RSPRY1: variants seen among roughly 807,000 people sequenced by gnomAD.
RSPRY1 encodes the protein ring finger and SPRY domain containing 1.
RSPRY1 carries 23 observed loss-of-function variants against 73.1 expected under a neutral mutation model. That is an observed-to-expected ratio of 0.31 (90% CI 0.23 to 0.45). The LOEUF (loss-of-function observed/expected upper bound fraction) is 0.45, where lower values mean the gene tolerates loss of function less well. Among genes scored for constraint, RSPRY1 ranks in the 20% least tolerant of loss-of-function variants. RSPRY1 has a pLI of 1.00. For missense variants in RSPRY1, 448 were observed against 698.7 expected, an observed-to-expected ratio of 0.64 and a Z score of 4.05; for synonymous variants, 226 against 251.4, an observed-to-expected ratio of 0.90 and a Z score of 0.95.
Position 57,216,164 on chromosome 16 carries a change from G to T in RSPRY1, c.760G>T (p.Ala254Ser). ...TGCACTTATCGCACTGGAAAAGTTT[G>T]CACAGACAAGTAGGTATAGTGACTT... ...LFALIALEKF[A>S]QTSENKLTIS... Residue 254 changes from alanine (A) to serine (S), a missense_variant, in exon 7 of 15, where the codon GCA becomes TCA. By Grantham distance (99) the Ala-to-Ser change is moderately conservative (BLOSUM62 1). Transcript: ENST00000394420. The T allele has an allele frequency of 6.2e-7, 1 of 1,608,864 alleles. No homozygotes were observed. The highest frequency in any genetic ancestry group is 8.5e-7 in the Non-Finnish European group (1 of 1,176,944).
intron 1 of RSPRY1, among the ~76,000 whole-genome samples, chr16:57,199,895 G>GTTTTTTTTTT (rs61132783): frequency 9.4e-6 from 1 of 106,252 alleles, no homozygotes; most frequent in Non-Finnish European, 1.9e-5. Context: ...TTTTTTGTTT[G>GTTTTTTTTTT]TTTTTTTTTT....
At chr16:57,238,821 G>A (rs1441569006) in intron 14 of RSPRY1, 58 bp from the exon 15 acceptor site, 5 of 920,238 alleles carry the variant, frequency 5.4e-6, no homozygotes, top group Non-Finnish European at 3.3e-6. Flanking sequence ...TTGGCAGGCA[G>A]TTGGAGTTTG....
chr16:57,204,632 G>T lies in RSPRY1; in HGVS notation c.-27G>T. ...TCCTCAACTCCAGGTTATGAAAACA[G>T]TACTTGGAAAACTGAAAACTACCTA... On this transcript the variant is annotated 5_prime_UTR_variant, in exon 2 of 15. Coordinates refer to ENST00000394420, the MANE Select transcript of RSPRY1 (RefSeq NM_133368.3). 1 of 1,601,652 alleles carries T rather than the reference G, an allele frequency of 6.2e-7. No individual in the cohort carries two copies.
chr16:57,204,630 CA>C lies in RSPRY1; in HGVS notation c.-28del. The C allele has an allele frequency of 6.3e-7, 1 of 1,596,272 alleles. No individual in the cohort carries two copies. The highest frequency in any genetic ancestry group is 8.6e-7 in the Non-Finnish European group (1 of 1,167,198). On this transcript the variant is annotated 5_prime_UTR_variant, in exon 2 of 15. It introduces an in-frame stop codon into an upstream open reading frame of the 5' UTR. Transcript: ENST00000394420. ...ATTCCTCAACTCCAGGTTATGAAAACAGTACTTGGAAAACTGAAAACTACCT... is the reference window on the plus strand; with the variant it reads ...ATTCCTCAACTCCAGGTTATGAAAACGTACTTGGAAAACTGAAAACTACCT...
intron 1 of RSPRY1, among the ~76,000 whole-genome samples, chr16:57,202,444 A>G (rs1567491483): frequency 6.6e-6 from 1 of 152,240 alleles, no homozygotes; most frequent in African/African-American, 2.4e-5. Context: ...TTAAAGAATT[A>G]TTCCTATTTC....
At chr16:57,216,825 C>T in intron 7 of RSPRY1, 79 bp from the exon 8 acceptor site, 2 of 1,370,348 alleles carry the variant, frequency 1.5e-6, no homozygotes, top group Non-Finnish European at 2.1e-6. Context: ...CCTCTTCCCC[C>T]TCCTTAGCAA....
chr16:57,228,515 G>A (rs1235058078), intron 11 of RSPRY1, among the ~76,000 whole-genome samples: 1 of 151,656 alleles, frequency 6.6e-6, no homozygotes, highest in Non-Finnish European at 1.5e-5. Context: ...GATTATTCGA[G>A]TAATATGTTT....
chr16:57,213,055 G>A lies in RSPRY1; in HGVS notation c.600G>A (p.Arg200=). 2 of 1,614,086 alleles carry A rather than the reference G, an allele frequency of 1.2e-6. No individual in the cohort carries two copies. The highest frequency in any genetic ancestry group is 1.7e-6 in the Non-Finnish European group (2 of 1,179,976). Residue 200 remains arginine, a synonymous_variant, in exon 5 of 15, where the codon AGG becomes AGA. Transcript: ENST00000394420. ...ACTCAAGCCATCCTGCCAAACACAG[G>A]AACACATCTGCAGTCCTAGGCTGCT... ...CQDSSHPAKH[R]NTSAVLGCLA...
At position 57,239,511 on chromosome 16, in the gene RSPRY1, C is replaced by CCTTT. The variant is rs1224011930; in HGVS notation, c.*536_*537insCTTT. On this transcript the variant is annotated 3_prime_UTR_variant, in exon 15 of 15. Coordinates refer to ENST00000394420, the MANE Select transcript of RSPRY1 (RefSeq NM_133368.3). ...CAGTACTACAAGCAAAACAGAGAAC[C>CCTTT]TGAAAGAAGGTGCACAGACTGTAAG... is the stretch of plus-strand genomic sequence containing the variant. 1 of 152,036 alleles carries CCTTT rather than the reference C, an allele frequency of 6.6e-6. No homozygotes were observed. The highest frequency in any genetic ancestry group is 1.5e-5 in the Non-Finnish European group (1 of 68,022). The allele number at this position is 152,036 out of a possible 1,614,324, so 9.4% of individuals were successfully genotyped here. A position where few individuals can be genotyped will look rare whatever the true frequency, so the allele number is the denominator to read the frequency against.
At chr16:57,200,197 T>TA (rs1352623912) in intron 1 of RSPRY1, among the ~76,000 whole-genome samples, 1 of 148,632 alleles carries the variant, frequency 6.7e-6, no homozygotes, top group Non-Finnish European at 1.5e-5. Context: ...ACACAGCACA[T>TA]GTTTCAGAGA....
In RSPRY1 at chr16:57,238,028, C is replaced by T. The variant is rs890672651; in HGVS notation, c.1635-851C>T. Among the ~76,000 whole-genome samples, 4 of 152,230 alleles carry T rather than the reference C, an allele frequency of 2.6e-5. No homozygotes were observed. In the East Asian group the frequency reaches 5.8e-4, roughly 22 times the overall value. ...ACAAAATACACAAAAATCAGTAGCT[C>T]TTCTAGCTATATGTATAATAGCAGC... On this transcript the variant is annotated intron_variant, in intron 14 of 14. Transcript: ENST00000394420.
Position 57,216,171 on chromosome 16 carries a change from CAAGT to C in RSPRY1, c.769_769+3del. ...ATCGCACTGGAAAAGTTTGCACAGA[CAAGT>C]AGGTATAGTGACTTCTTGCACTAAT... On this transcript the variant is annotated splice_donor_variant and coding_sequence_variant, in exon 7 of 15. Coordinates refer to ENST00000394420, the MANE Select transcript of RSPRY1 (RefSeq NM_133368.3). LOFTEE classifies it high-confidence loss of function. The C allele has an allele frequency of 2.5e-6, 4 of 1,607,686 alleles. No individual in the cohort carries two copies. The highest frequency in any genetic ancestry group is 3.4e-6 in the Non-Finnish European group (4 of 1,174,952).
chr16:57,202,532 C>T (rs1242103673), intron 1 of RSPRY1, among the ~76,000 whole-genome samples: 1 of 152,212 alleles, frequency 6.6e-6, no homozygotes, highest in East Asian at 1.9e-4. Flanking sequence ...ATACTCTGAT[C>T]CCCACAGTAA....
At chr16:57,223,501 C>T (rs2075072615) in intron 10 of RSPRY1, among the ~76,000 whole-genome samples, 1 of 152,184 alleles carries the variant, frequency 6.6e-6, no homozygotes, top group African/African-American at 2.4e-5. Context: ...GCCTTTTGGC[C>T]AGGCGCAGTG....
chr16:57,207,554 A>G (rs1261811863), intron 2 of RSPRY1: 5 of 455,380 alleles, frequency 1.1e-5, no homozygotes, highest in Non-Finnish European at 2.2e-5. Context: ...TTCTTGTAAT[A>G]CCATTTTATG....
intron 14 of RSPRY1, among the ~76,000 whole-genome samples, chr16:57,237,746 C>T (rs549487552): frequency 3.2e-4 from 49 of 152,032 alleles, no homozygotes; most frequent in African/African-American, 1.2e-3. Flanking sequence ...GAGTCTCGCT[C>T]TGTCACCCAG....
chr16:57,223,839 G>A (rs2075078839), intron 10 of RSPRY1, among the ~76,000 whole-genome samples: 2 of 152,152 alleles, frequency 1.3e-5, no homozygotes, highest in Admixed American at 6.6e-5. Flanking sequence ...ACTTTTGTGA[G>A]GTCTTTCACA....
intron 1 of RSPRY1, among the ~76,000 whole-genome samples, chr16:57,202,560 C>T (rs1376119462): frequency 6.6e-6 from 1 of 152,154 alleles, no homozygotes; most frequent in African/African-American, 2.4e-5. Context: ...GTTGTTACTT[C>T]GACTCTGCTG....
rs1426520919 is a variant in RSPRY1 at position 57,217,012 on chromosome 16, C to T, written c.878C>T (p.Ala293Val). 1.2e-6 allele frequency: 2 copies of T among 1,614,094 alleles called. No homozygotes were observed. Among genetic ancestry groups the T allele is most frequent in the East Asian group, 2.2e-5 (1 of 44,876 alleles). ...CTGAAACGTCAAGTTGGTTTCTGTG[C>T]CCAGTGGAGCTTAGACAATCTCTGT... ...DYLKRQVGFC[A>V]QWSLDNLFLK... Residue 293 changes from alanine (A) to valine (V), a missense_variant, in exon 8 of 15, where the codon GCC (alanine) becomes GTC (valine). By Grantham distance (64) the Ala-to-Val change is moderately conservative (BLOSUM62 0). Transcript: ENST00000394420.
Sources: gnomAD v4.1 joint callset for allele counts (sites outside exome capture counted in the v4.1 genomes callset) on GRCh38, gnomAD v4.1.1 for gene constraint, MANE v1.5 for transcripts, NCBI Gene and HGNC (gene_info 2026-07-23, HGNC 2026-07-21) for gene names.